The following ATP2B2 variants were observed in gnomAD, a reference collection of about 807,000 sequenced individuals.
ATP2B2 encodes ATPase plasma membrane Ca2+ transporting 2.
In ATP2B2, 15 loss-of-function variants were observed where a neutral mutation model predicts 120.0. That is an observed-to-expected ratio of 0.12 (90% CI 0.08 to 0.19). ATP2B2 has a LOEUF of 0.19. Ranked by LOEUF, ATP2B2 falls within the 10% of genes least tolerant of loss-of-function variation. The pLI, the probability that ATP2B2 is intolerant of heterozygous loss-of-function variation, is 1.00. For missense variants in ATP2B2, 1,045 were observed against 1,719.8 expected (o/e 0.61, Z 6.94); for synonymous variants, 694 against 700.3 (o/e 0.99, Z 0.14).
intron 14 of ATP2B2, 55 bp from the exon 15 acceptor site, chr3:10,350,632 CT>C (rs2060553826): frequency 6.3e-7 from 1 of 1,578,922 alleles, no homozygotes; most frequent in East Asian, 2.2e-5. Flanking sequence ...CAGACTCCCC[CT>C]GCCTTCATGG....
intron 1 of ATP2B2, among the ~76,000 whole-genome samples, chr3:10,478,603 G>T (rs745692083): frequency 3.9e-5 from 6 of 152,140 alleles, no homozygotes; most frequent in African/African-American, 9.7e-5. Context: ...GCCACCAAAG[G>T]CCTCATCTTC....
intron 3 of ATP2B2, among the ~76,000 whole-genome samples, chr3:10,518,103 C>A (rs1349254832): frequency 6.6e-6 from 1 of 152,168 alleles, no homozygotes; most frequent in Non-Finnish European, 1.5e-5. Flanking sequence ...AGTCTGTGGA[C>A]CAGAAACCCT....
chr3:10,610,519 C>T (rs181218103), intron 2 of ATP2B2, among the ~76,000 whole-genome samples: 222 of 152,306 alleles, frequency 1.5e-3, no homozygotes, highest in African/African-American at 4.9e-3. Flanking sequence ...AACCCCTAAA[C>T]GTATTCACTG....
At chr3:10,560,246 C>T (rs1270693562) in intron 2 of ATP2B2, among the ~76,000 whole-genome samples, 1 of 152,168 alleles carries the variant, frequency 6.6e-6, no homozygotes, top group Admixed American at 6.5e-5. Flanking sequence ...GGCGGGAAAC[C>T]TCATGTGCTA....
chr3:10,328,398 C>T lies in ATP2B2; in HGVS notation c.*416G>A. The T allele has an allele frequency of 5.3e-6, 1 of 187,540 alleles. No individual in the cohort carries two copies. Among genetic ancestry groups the T allele is most frequent in the Non-Finnish European group, 1.1e-5 (1 of 89,142 alleles). 11.6% of individuals were successfully genotyped at this position (187,540 alleles called of 1,614,324 possible). A position where few individuals can be genotyped will look rare whatever the true frequency, so the allele number is the denominator to read the frequency against. Reference sequence around the variant, plus strand: ...CTCAGAAAAGAGTCTGTTTGCAGTTCCCGCCTAAGAAAACAAACAAACAAA... The same window carrying T: ...CTCAGAAAAGAGTCTGTTTGCAGTTTCCGCCTAAGAAAACAAACAAACAAA... On this transcript the variant is annotated 3_prime_UTR_variant, in exon 23 of 23. Coordinates refer to ENST00000360273, the MANE Select transcript of ATP2B2 (RefSeq NM_001001331.4).
At chr3:10,457,569 TGAGAGA>T (rs55745980) in intron 1 of ATP2B2, among the ~76,000 whole-genome samples, 10 of 150,556 alleles carry the variant, frequency 6.6e-5, no homozygotes, top group African/African-American at 2.2e-4. Flanking sequence ...TGTGTGTGTG[TGAGAGA>T]GAGAGAGAGC....
intron 2 of ATP2B2, among the ~76,000 whole-genome samples, chr3:10,441,522 G>C (rs1358413122): frequency 6.6e-6 from 1 of 152,108 alleles, no homozygotes; most frequent in Non-Finnish European, 1.5e-5. Flanking sequence ...TTACTGGTGC[G>C]AGCCACTGCA....
At chr3:10,630,282 C>A (rs2069826372) in intron 1 of ATP2B2, among the ~76,000 whole-genome samples, 1 of 152,054 alleles carries the variant, frequency 6.6e-6, no homozygotes, top group Non-Finnish European at 1.5e-5. Context: ...GCCCAGTACC[C>A]ATTAGTTACT....
Position 10,564,222 on chromosome 3 carries a change from G to A in ATP2B2, c.-414-30089C>T, listed in dbSNP as rs561203911. On this transcript the variant is annotated intron_variant, in intron 2 of 21. Transcript: ENST00000646379. ...GGCTGATCAATAATACCCATAGGCT[G>A]GCAGCAACCTTCTTCTGTTGCTGCT... is the stretch of plus-strand genomic sequence containing the variant. Among the ~76,000 whole-genome samples, 3 of 152,260 alleles carry A rather than the reference G, an allele frequency of 2.0e-5. No individual in the cohort carries two copies. The South Asian group carries it at 6.2e-4, about 32-fold the overall frequency.
intron 3 of ATP2B2, among the ~76,000 whole-genome samples, chr3:10,409,841 C>A (rs1248793657): frequency 6.6e-6 from 1 of 152,134 alleles, no homozygotes; most frequent in Non-Finnish European, 1.5e-5. Context: ...TCTATTTATG[C>A]AGCACATTCA....
intron 2 of ATP2B2, among the ~76,000 whole-genome samples, chr3:10,441,799 G>A (rs1219870052): frequency 6.6e-6 from 1 of 152,206 alleles, no homozygotes; most frequent in Admixed American, 6.5e-5. Flanking sequence ...ATTAGAAGCA[G>A]GGGGAAGCAA....
At chr3:10,585,698 T>C (rs565459084) in intron 2 of ATP2B2, among the ~76,000 whole-genome samples, 1 of 152,068 alleles carries the variant, frequency 6.6e-6, no homozygotes, top group Non-Finnish European at 1.5e-5. Context: ...CTGAAACATG[T>C]TCCCTGAGAT....
In ATP2B2 at chr3:10,468,122, G is replaced by A. The variant is rs2064828311; in HGVS notation, c.-319-18260C>T. On this transcript the variant is annotated intron_variant, in intron 1 of 22. Coordinates refer to ENST00000360273, the MANE Select transcript of ATP2B2 (RefSeq NM_001001331.4). ...CCAGGGAAGTGGGAGGCGGGGTTCTGGGGGAGATGGAAAGACAGGGCCACC... is the reference window on the plus strand; with the variant it reads ...CCAGGGAAGTGGGAGGCGGGGTTCTAGGGGAGATGGAAAGACAGGGCCACC... Among the ~76,000 whole-genome samples the A allele has an allele frequency of 3.3e-5, 5 of 152,212 alleles. No individual in the cohort carries two copies. The South Asian group carries it at 1.0e-3, about 32-fold the overall frequency.
intron 1 of ATP2B2, among the ~76,000 whole-genome samples, chr3:10,634,396 G>A (rs1210305518): frequency 6.6e-6 from 1 of 152,188 alleles, no homozygotes; most frequent in African/African-American, 2.4e-5. Flanking sequence ...TGGGGGCCGT[G>A]TCCAATTCAG....
intron 12 of ATP2B2, among the ~76,000 whole-genome samples, chr3:10,363,743 A>G (rs760430317): frequency 6.6e-6 from 1 of 152,180 alleles, no homozygotes; most frequent in Non-Finnish European, 1.5e-5. Context: ...GTTGGTGAGG[A>G]TGTGGAGAAA....
chr3:10,437,884 A>G (rs537064958), intron 2 of ATP2B2, among the ~76,000 whole-genome samples: 1 of 152,360 alleles, frequency 6.6e-6, no homozygotes, highest in South Asian at 2.1e-4. Flanking sequence ...AAATTTGGGC[A>G]GAGAGACAGA....
chr3:10,517,796 G>A (rs1410138127), intron 3 of ATP2B2, among the ~76,000 whole-genome samples: 2 of 152,224 alleles, frequency 1.3e-5, no homozygotes, highest in Non-Finnish European at 2.9e-5. Context: ...TGGGTGTCAC[G>A]TCCTGGGCCT....
rs1373205825 is a variant in ATP2B2, at chr3:10,329,271, G to A, written c.3421-146C>T. ...CGCTGGGTGTTATTAGCATTGACAG[G>A]ATGGGGGAGAGTGAAAAAGGGGGCT... On this transcript the variant is annotated intron_variant, in intron 22 of 22. Transcript: ENST00000360273. The surrounding 1 kb of genome is among the most constrained non-coding windows in gnomAD (Gnocchi z 5.9). 3 of 814,506 alleles carry A rather than the reference G, an allele frequency of 3.7e-6. No homozygotes were observed. The highest frequency in any genetic ancestry group is 6.2e-6 in the Non-Finnish European group (3 of 483,744). The allele number at this position is 814,506 out of a possible 1,614,324, so 50.5% of individuals were successfully genotyped here.
chr3:10,508,438 A>G (rs2066691661), upstream of ATP2B2, among the ~76,000 whole-genome samples: 1 of 152,238 alleles, frequency 6.6e-6, no homozygotes, highest in Non-Finnish European at 1.5e-5. Context: ...CACATCAGAC[A>G]TGTCTCCAGC....
Sources: allele counts gnomAD v4.1 joint callset (sites outside exome capture counted in the v4.1 genomes callset), GRCh38; gene constraint gnomAD v4.1.1; non-coding constraint Gnocchi (gnomAD v3.1); transcripts MANE v1.5; gene names NCBI Gene and HGNC (gene_info 2026-07-23, HGNC 2026-07-21).